The following CHD4 variants were observed in gnomAD, a reference collection of about 807,000 sequenced individuals.
CHD4 encodes the protein ATP-dependent chromatin remodeler CHD4.
A neutral mutation model predicts 235.5 loss-of-function variants in CHD4; 35 were observed. The ratio of observed to expected loss-of-function variants is 0.15; its 90% CI spans 0.11 to 0.20. CHD4 has a LOEUF of 0.20. Ranked by LOEUF, CHD4 falls within the 10% of genes least tolerant of loss-of-function variation. The probability of loss-of-function intolerance (pLI) is 1.00; values close to 1 mark genes in which losing one functional copy is unlikely to be tolerated. For missense variants in CHD4, 1,329 were observed against 2,432.3 expected (o/e 0.55, Z 9.54); for synonymous variants, 900 against 850.2 (o/e 1.06, Z -1.02).
chr12:6,589,331 A>AAGCT (rs1420460947), intron 22 of CHD4, among the ~76,000 whole-genome samples: 1 of 152,210 alleles, frequency 6.6e-6, no homozygotes, highest in African/African-American at 2.4e-5. Context: ...TATCTCCCTC[A>AAGCT]AGCTATTTAT....
At chr12:6,584,785 A>C (rs1948252247) in intron 25 of CHD4, 1 of 152,240 alleles carries the variant, frequency 6.6e-6, no homozygotes. Flanking sequence ...ATCAAAGAAC[A>C]ATTTGTATAC....
At chr12:6,590,550 G>A (rs1011314502) in intron 22 of CHD4, among the ~76,000 whole-genome samples, 9 of 152,056 alleles carry the variant, frequency 5.9e-5, no homozygotes, top group South Asian at 2.1e-4. Flanking sequence ...TGAGCACAGT[G>A]GCTTATGCCT....
Position 6,577,594 on chromosome 12 carries a change from T to A in CHD4, c.5361+191A>T, listed in dbSNP as rs1160520360. ...GATTGGACACATAGTCACCTACAGC[T>A]CATGTACAGTTAGTTAACTTTCAAT... On this transcript the variant is annotated intron_variant, in intron 37 of 39. Transcript: ENST00000544040. The A allele has an allele frequency of 4.4e-6, 3 of 680,586 alleles. No homozygotes were observed. In the Admixed American group the frequency reaches 8.4e-5, roughly 19 times the overall value. The allele number at this position is 680,586 out of a possible 1,614,324, so 42.2% of individuals were successfully genotyped here. A position where few individuals can be genotyped will look rare whatever the true frequency, so the allele number is the denominator to read the frequency against.
chr12:6,598,457 T>C, intron 10 of CHD4, 32 bp from the exon 11 acceptor site: 5 of 1,531,800 alleles, frequency 3.3e-6, no homozygotes, highest in Middle Eastern at 1.8e-4. Flanking sequence ...TAATCTCAAA[T>C]CATAACCATG....
At position 6,587,954 on chromosome 12, in the gene CHD4, A is replaced by G. The variant is rs1948327577; in HGVS notation, c.3466-5T>C. ...CCGGTGAGCTCTGCTAAAGGCCTGG[A>G]GTTGAACAGGAAATAAAGCCAGAAA... On this transcript the variant is annotated splice_region_variant and splice_polypyrimidine_tract_variant and intron_variant, in intron 23 of 39. Coordinates refer to ENST00000544040, the MANE Select transcript of CHD4 (RefSeq NM_001273.5). 1 of 1,611,568 alleles carries G rather than the reference A, an allele frequency of 6.2e-7. No homozygotes were observed. Among genetic ancestry groups the G allele is most frequent in the Non-Finnish European group, 8.5e-7 (1 of 1,177,782 alleles).
chr12:6,580,101 G>A (rs1251898951), intron 33 of CHD4, among the ~76,000 whole-genome samples: 3 of 149,236 alleles, frequency 2.0e-5, no homozygotes, highest in African/African-American at 2.5e-5. Context: ...GTTGTGGCAC[G>A]CCTGCAATCC....
intron 39 of CHD4, 88 bp from the exon 40 acceptor site, chr12:6,570,781 G>C: frequency 1.2e-6 from 2 of 1,611,594 alleles, no homozygotes; most frequent in Non-Finnish European, 1.7e-6. Flanking sequence ...CACCCACCCA[G>C]TATGTAAAGC....
At position 6,599,914 on chromosome 12, in the gene CHD4, G is replaced by A. The variant is rs1592280981; in HGVS notation, c.1341C>T (p.His447=). The A allele has an allele frequency of 4.3e-6, 7 of 1,614,000 alleles. No individual in the cohort carries two copies. Among genetic ancestry groups the A allele is most frequent in the Non-Finnish European group, 5.1e-6 (6 of 1,180,030 alleles). The stretch of plus-strand genomic sequence containing the variant: ...TGCAGACCCGACAGAATTCCATATG[G>A]TGGTCATCCTCCTCTTCGAGGTCTC... ...VGGDLEEEDD[H]HMEFCRVCKD... The change falls in exon 10 of 40, where the codon CAC becomes CAT. Residue 447 remains histidine (H), a synonymous_variant. Transcript: ENST00000544040.
intron 6 of CHD4, 41 bp downstream of exon 6, chr12:6,601,248 C>A: frequency 5.0e-6 from 8 of 1,602,958 alleles, no homozygotes; most frequent in Non-Finnish European, 6.8e-6. Flanking sequence ...CATCTTAAGC[C>A]CACACTAGAC....
At chr12:6,578,684 G>T in intron 34 of CHD4, 138 bp from the exon 35 acceptor site, 1 of 1,429,866 alleles carries the variant, frequency 7.0e-7, no homozygotes, top group Non-Finnish European at 9.7e-7. Context: ...CCCAGAAAAT[G>T]GTGCCATTGG....
rs570278296 is a variant in CHD4, at chr12:6,593,659, C to T, written c.2314-43G>A. ...AGAGTCAGGACTGAGGGCCCCAGCA[C>T]ACTGCAACCCCAGCGAACACCCACC... On this transcript the variant is annotated intron_variant, in intron 15 of 39. Transcript: ENST00000544040. The surrounding 1 kb of genome is among the most constrained non-coding windows in gnomAD (Gnocchi z 4.9). 75 of 1,581,408 alleles carry T rather than the reference C, an allele frequency of 4.7e-5. No individual in the cohort carries two copies. In the African/African-American group the frequency reaches 5.9e-4, roughly 12 times the overall value.
chr12:6,571,703 A>C (rs908310343), intron 38 of CHD4: 6 of 147,658 alleles, frequency 4.1e-5, no homozygotes, highest in African/African-American at 1.3e-4. Flanking sequence ...GCTCATGCCT[A>C]TAATCCCAGC....
rs769696217 is a variant in CHD4, at chr12:6,601,392, T to C, written c.696A>G (p.Ala232=). ...CCATGCTCTCCACCACAGCTACCGCTGCTGCTGCCGCAGCTGCCACTGATG... is the reference window on the plus strand; with the variant it reads ...CCATGCTCTCCACCACAGCTACCGCCGCTGCTGCCGCAGCTGCCACTGATG... ...SGASVAAAAA[A]AVAVVESMVT... The change falls in exon 6 of 40, where the codon GCA becomes GCG. Residue 232 remains alanine, a synonymous_variant. Coordinates refer to ENST00000544040, the MANE Select transcript of CHD4 (RefSeq NM_001273.5). 2.7e-5 allele frequency: 44 copies of C among 1,614,054 alleles called. No homozygotes were observed. The highest frequency in any genetic ancestry group is 3.7e-5 in the Non-Finnish European group (44 of 1,180,024).
chr12:6,571,245 AC>A, intron 38 of CHD4: 2 of 561,270 alleles, frequency 3.6e-6, no homozygotes, highest in South Asian at 4.8e-5. Flanking sequence ...AGTCACCTAA[AC>A]CTTCACTATC....
In CHD4 at chr12:6,593,656, G is replaced by A. The variant is rs772693847; in HGVS notation, c.2314-40C>T. 2 of 1,589,742 alleles carry A rather than the reference G, an allele frequency of 1.3e-6. No homozygotes were observed. Among genetic ancestry groups the A allele is most frequent in the Non-Finnish European group, 1.7e-6 (2 of 1,160,708 alleles). ...AGGAGAGTCAGGACTGAGGGCCCCA[G>A]CACACTGCAACCCCAGCGAACACCC... On this transcript the variant is annotated intron_variant, in intron 15 of 39. Coordinates refer to ENST00000544040, the MANE Select transcript of CHD4 (RefSeq NM_001273.5). The surrounding 1 kb of genome is among the most constrained non-coding windows in gnomAD (Gnocchi z 4.9).
At chr12:6,586,488 G>A (rs1189266351) in intron 25 of CHD4, among the ~76,000 whole-genome samples, 1 of 152,062 alleles carries the variant, frequency 6.6e-6, no homozygotes, top group Admixed American at 6.5e-5. Context: ...ACTTTGGGAG[G>A]TCAAGGCAGG....
intron 13 of CHD4, 118 bp from the exon 14 acceptor site, chr12:6,595,548 G>A (rs1262098834): frequency 1.2e-6 from 1 of 813,620 alleles, no homozygotes; most frequent in Non-Finnish European, 2.0e-6. Flanking sequence ...AGCACTTTGG[G>A]AGGCTGAGAC....
intron 15 of CHD4, 65 bp downstream of exon 15, chr12:6,594,394 G>T: frequency 6.9e-7 from 1 of 1,455,686 alleles, no homozygotes; most frequent in Non-Finnish European, 9.4e-7. Flanking sequence ...TCTCTACTCA[G>T]TGTAAGTTAA....
At chr12:6,592,636 G>A in intron 18 of CHD4, 60 bp downstream of exon 18, 1 of 1,588,484 alleles carries the variant, frequency 6.3e-7, no homozygotes, top group Non-Finnish European at 8.6e-7. Flanking sequence ...TACAGGAAAT[G>A]GGCAACAGGA....
Sources: allele counts gnomAD v4.1 joint callset (sites outside exome capture counted in the v4.1 genomes callset), GRCh38; gene constraint gnomAD v4.1.1; non-coding constraint Gnocchi (gnomAD v3.1); transcripts MANE v1.5; gene names NCBI Gene and HGNC (gene_info 2026-07-23, HGNC 2026-07-21).